The following CSDE1 variants were observed in gnomAD, a reference collection of about 807,000 sequenced individuals.
CSDE1 encodes the protein cold shock domain-containing protein E1.
A neutral mutation model predicts 89.3 loss-of-function variants in CSDE1; 17 were observed. The observed-to-expected ratio is 0.19, with a 90% CI of 0.13 to 0.29. CSDE1 has a LOEUF of 0.29. Among genes scored for constraint, CSDE1 ranks in the 10% least tolerant of loss-of-function variants. The probability of loss-of-function intolerance (pLI) is 1.00; values close to 1 mark genes in which losing one functional copy is unlikely to be tolerated. For synonymous variants in CSDE1, 322 were observed against 332.8 expected (o/e 0.97, Z 0.35); for missense variants, 672 against 984.2 (o/e 0.68, Z 4.24).
intron 10 of CSDE1, 63 bp downstream of exon 10, chr1:114,732,541 A>C: frequency 1.3e-6 from 2 of 1,507,504 alleles, no homozygotes; most frequent in South Asian, 2.3e-5. Flanking sequence ...TTAGTAGTAT[A>C]AACTTGAATA....
chr1:114,739,820 A>C lies in CSDE1; in HGVS notation c.71T>G (p.Leu24Arg). Residue 24 changes from leucine (L) to arginine (R), a missense_variant, in exon 3 of 20, where the codon CTG (leucine) becomes CGG (arginine). Physicochemically the swap from Leu to Arg is moderately radical, Grantham distance 102. Coordinates refer to ENST00000358528, the MANE Select transcript of CSDE1 (RefSeq NM_001007553.3). ...NGYPNGTSAALRETGVIEKLL... is the reference protein window; with the variant it reads ...NGYPNGTSAARRETGVIEKLL... ...TTTTTCAATAACCCCAGTTTCACGCAGTGCTGCTGAAGTACCATTAGGGTA... is the reference window on the plus strand; with the variant it reads ...TTTTTCAATAACCCCAGTTTCACGCCGTGCTGCTGAAGTACCATTAGGGTA... 1 of 1,614,076 alleles carries C rather than the reference A, an allele frequency of 6.2e-7. No individual in the cohort carries two copies. Among genetic ancestry groups the C allele is most frequent in the Non-Finnish European group, 8.5e-7 (1 of 1,179,940 alleles).
Position 114,757,948 on chromosome 1 carries a change from C to T in CSDE1, c.-411G>A, listed in dbSNP as rs896698156. On this transcript the variant is annotated 5_prime_UTR_variant, in exon 1 of 20. Transcript: ENST00000358528. ...ACCCCAACAGCTCAGCGCCCCCTCT[C>T]CAGCGCCGCCATAAGCAGCACGGCC... The T allele has an allele frequency of 1.3e-5, 2 of 152,894 alleles. No homozygotes were observed. Among genetic ancestry groups the T allele is most frequent in the African/African-American group, 4.8e-5 (2 of 41,466 alleles). 9.5% of individuals were successfully genotyped at this position (152,894 alleles called of 1,614,324 possible). A position where few individuals can be genotyped will look rare whatever the true frequency, so the allele number is the denominator to read the frequency against.
Position 114,742,714 on chromosome 1 carries a change from C to T in CSDE1, c.1-2824G>A, listed in dbSNP as rs12087716. Among the ~76,000 whole-genome samples the T allele has an allele frequency of 5.4e-3, 829 of 152,292 alleles. 7 individuals are homozygous for T. Among genetic ancestry groups the T allele is most frequent in the African/African-American group, 0.019 (782 of 41,554 alleles). On this transcript the variant is annotated intron_variant, in intron 2 of 19. Transcript: ENST00000358528. ...CTATTCCTAGTACTAGTTCTTCAAC[C>T]TCCACATTAAGAAACCATCTAACGA...
At chr1:114,751,967 CA>C (rs1661332851) in intron 1 of CSDE1, among the ~76,000 whole-genome samples, 1 of 152,156 alleles carries the variant, frequency 6.6e-6, no homozygotes, top group Non-Finnish European at 1.5e-5. Flanking sequence ...ACCAGACTAT[CA>C]AAAACTTGAA....
At position 114,727,067 on chromosome 1, in the gene CSDE1, A is replaced by T; in HGVS notation, c.1380T>A (p.Ala460=). The T allele has an allele frequency of 8.7e-6, 14 of 1,613,562 alleles. No homozygotes were observed. Among genetic ancestry groups the T allele is most frequent in the African/African-American group, 1.3e-5 (1 of 75,030 alleles). The change falls in exon 13 of 20, where the codon GCT becomes GCA. Residue 460 remains alanine, a synonymous_variant. Coordinates refer to ENST00000358528, the MANE Select transcript of CSDE1 (RefSeq NM_001007553.3). The part of the protein sequence containing the change: ...KEKEAEDGII[A]YDDCGVKLTI... ...TCAGTTTCACCCCACAGTCATCATA[A>T]GCAATAATGCCATCCTCAGCCTCCT... is the stretch of plus-strand genomic sequence containing the variant.
chr1:114,726,448 G>A, intron 13 of CSDE1, 62 bp from the exon 14 acceptor site: 2 of 1,360,878 alleles, frequency 1.5e-6, no homozygotes, highest in Non-Finnish European at 2.0e-6. Flanking sequence ...CCTTAACTCA[G>A]AAAACAAGAC....
intron 10 of CSDE1, among the ~76,000 whole-genome samples, chr1:114,732,152 T>TA (rs1233364635): frequency 1.3e-5 from 2 of 152,240 alleles, no homozygotes; most frequent in East Asian, 3.9e-4. Flanking sequence ...TCATTGCTGT[T>TA]AGTGTATTTT....
chr1:114,749,282 T>C (rs938113262), intron 2 of CSDE1, among the ~76,000 whole-genome samples: 10 of 93,378 alleles, frequency 1.1e-4, no homozygotes, highest in African/African-American at 5.4e-4. Flanking sequence ...AATCATTAAG[T>C]CCATTAGTAT....
intron 17 of CSDE1, chr1:114,720,100 T>G (rs1659430572): frequency 4.3e-6 from 1 of 234,862 alleles, no homozygotes. Flanking sequence ...GTTATTATTC[T>G]CTGTACTGAT....
At chr1:114,735,496 C>T (rs1051633822) in intron 6 of CSDE1, among the ~76,000 whole-genome samples, 11 of 152,092 alleles carry the variant, frequency 7.2e-5, no homozygotes, top group Admixed American at 4.6e-4. Flanking sequence ...AGAACTTATA[C>T]GTCATTTTAC....
chr1:114,748,733 C>T (rs1032647123), intron 2 of CSDE1, among the ~76,000 whole-genome samples: 1 of 152,192 alleles, frequency 6.6e-6, no homozygotes, highest in African/African-American at 2.4e-5. Flanking sequence ...TCTCTACCTA[C>T]ACCTTAGCTT....
intron 9 of CSDE1, 66 bp from the exon 10 acceptor site, chr1:114,732,882 G>C: frequency 7.4e-7 from 1 of 1,343,626 alleles, no homozygotes; most frequent in Non-Finnish European, 1.1e-6. Context: ...AGTCAAACAA[G>C]AAGAACACAT....
Position 114,717,820 on chromosome 1 carries a change from T to C in CSDE1, c.*349A>G. On this transcript the variant is annotated 3_prime_UTR_variant, in exon 20 of 20. Transcript: ENST00000358528. ...AGAGTATATAATGAAAAGTGCAGAA[T>C]TTCATAGGGCCAACAAGATAACAGT... 1 of 258,836 alleles carries C rather than the reference T, an allele frequency of 3.9e-6. No individual in the cohort carries two copies. Among genetic ancestry groups the C allele is most frequent in the Non-Finnish European group, 7.3e-6 (1 of 136,448 alleles). 16.0% of individuals were successfully genotyped at this position (258,836 alleles called of 1,614,324 possible). A position where few individuals can be genotyped will look rare whatever the true frequency, so the allele number is the denominator to read the frequency against.
chr1:114,749,947 T>A lies in CSDE1; in HGVS notation c.-127A>T, dbSNP rs1661219698. 6.6e-6 allele frequency: 1 copy of A among 152,568 alleles called. No individual in the cohort carries two copies. The highest frequency in any genetic ancestry group is 2.4e-5 in the African/African-American group (1 of 41,418). The allele number at this position is 152,568 out of a possible 1,614,324, so 9.5% of individuals were successfully genotyped here. A position where few individuals can be genotyped will look rare whatever the true frequency, so the allele number is the denominator to read the frequency against. On this transcript the variant is annotated 5_prime_UTR_variant, in exon 2 of 20. Transcript: ENST00000358528. ...AGCGAGAGAAAATGATCTACCAAGC[T>A]AATAAAGAATACAACTGCTGCTGTA... is the stretch of plus-strand genomic sequence containing the variant.
At chr1:114,746,320 T>C (rs964875818) in intron 2 of CSDE1, among the ~76,000 whole-genome samples, 2 of 152,210 alleles carry the variant, frequency 1.3e-5, no homozygotes, top group African/African-American at 4.8e-5. Flanking sequence ...TTTATAACTT[T>C]GTAAAACTAA....
In CSDE1 at chr1:114,741,744, A is replaced by G. The variant is rs41274130; in HGVS notation, c.1-1854T>C. On this transcript the variant is annotated intron_variant, in intron 2 of 19. Transcript: ENST00000358528. Reference sequence around the variant, plus strand: ...TTAATGCACATTTCACAGTCAATATATATTTTTAGCTTGGGTTTAGCGAAA... The same window carrying G: ...TTAATGCACATTTCACAGTCAATATGTATTTTTAGCTTGGGTTTAGCGAAA... The G allele has an allele frequency of 1.8e-3, 2,179 of 1,179,564 alleles. 2 individuals carry two copies. The highest frequency in any genetic ancestry group is 2.3e-3 in the Non-Finnish European group (2,071 of 897,472). The allele number at this position is 1,179,564 out of a possible 1,614,324, so 73.1% of individuals were successfully genotyped here. A position where few individuals can be genotyped will look rare whatever the true frequency, so the allele number is the denominator to read the frequency against.
intron 6 of CSDE1, among the ~76,000 whole-genome samples, chr1:114,735,679 T>C (rs1159116153): frequency 6.6e-6 from 1 of 152,194 alleles, no homozygotes; most frequent in African/African-American, 2.4e-5. Flanking sequence ...TCTTAGGACT[T>C]TTCCCTCCAC....
At chr1:114,739,301 G>C (rs1660590656) in intron 3 of CSDE1, among the ~76,000 whole-genome samples, 1 of 152,208 alleles carries the variant, frequency 6.6e-6, no homozygotes. Flanking sequence ...AAAGTGCTGG[G>C]ATTACAGGCG....
intron 11 of CSDE1, 39 bp from the exon 12 acceptor site, chr1:114,730,461 A>C: frequency 5.6e-6 from 9 of 1,610,646 alleles, no homozygotes; most frequent in Non-Finnish European, 7.6e-6. Context: ...CAATTGAAAA[A>C]GAAAGCATCA....
Sources: allele counts gnomAD v4.1 joint callset (sites outside exome capture counted in the v4.1 genomes callset), GRCh38; gene constraint gnomAD v4.1.1; transcripts MANE v1.5; gene names NCBI Gene and HGNC (gene_info 2026-07-23, HGNC 2026-07-21).